The following SYT1 variants were observed in gnomAD, a reference collection of about 807,000 sequenced individuals.
SYT1 encodes the protein synaptotagmin 1.
A neutral mutation model predicts 44.8 loss-of-function variants in SYT1; 8 were observed. That is an observed-to-expected ratio of 0.18 (90% CI 0.10 to 0.32). The LOEUF (loss-of-function observed/expected upper bound fraction) is 0.32, where lower values mean the gene tolerates loss of function less well. Ranked by LOEUF, SYT1 falls within the 10% of genes least tolerant of loss-of-function variation. SYT1 has a pLI of 1.00. For missense variants in SYT1, 286 were observed against 509.3 expected, an observed-to-expected ratio of 0.56 and a Z score of 4.22; for synonymous variants, 154 against 188.8, an observed-to-expected ratio of 0.82 and a Z score of 1.51.
At chr12:79,320,473 A>C (rs1400151573) in intron 8 of SYT1, among the ~76,000 whole-genome samples, 1 of 152,102 alleles carries the variant, frequency 6.6e-6, no homozygotes, top group African/African-American at 2.4e-5. Context: ...CATATAACTT[A>C]GCTAAATTTT....
At chr12:78,905,091 G>A (rs1875890941) in intron 1 of SYT1, among the ~76,000 whole-genome samples, 1 of 152,122 alleles carries the variant, frequency 6.6e-6, no homozygotes, top group African/African-American at 2.4e-5. Flanking sequence ...AGTAGGCACT[G>A]ATTACTTGGT....
intron 3 of SYT1, among the ~76,000 whole-genome samples, chr12:79,118,860 C>G (rs1879437669): frequency 6.6e-6 from 1 of 152,182 alleles, no homozygotes; most frequent in East Asian, 1.9e-4. Context: ...CTTATATACT[C>G]TGATTACTCT....
intron 8 of SYT1, among the ~76,000 whole-genome samples, chr12:79,322,051 G>A (rs1035429155): frequency 6.6e-6 from 1 of 151,998 alleles, no homozygotes; most frequent in African/African-American, 2.4e-5. Flanking sequence ...GTTTCCCACC[G>A]CCCCTCTCAT....
intron 8 of SYT1, among the ~76,000 whole-genome samples, chr12:79,351,747 AG>A (rs749452511): frequency 6.6e-6 from 1 of 152,154 alleles, no homozygotes; most frequent in Non-Finnish European, 1.5e-5. Flanking sequence ...CCTAGGAGTG[AG>A]TAGGCACATC....
At chr12:78,886,720 ATAAAG>A (rs1309797786) in intron 1 of SYT1, among the ~76,000 whole-genome samples, 27 of 152,014 alleles carry the variant, frequency 1.8e-4, no homozygotes, top group South Asian at 1.0e-3. Context: ...CAGGGAGAAT[ATAAAG>A]TAAACAGCCA....
chr12:79,017,556 G>T (rs192660466), intron 2 of SYT1, among the ~76,000 whole-genome samples: 1 of 152,238 alleles, frequency 6.6e-6, no homozygotes, highest in Admixed American at 6.6e-5. Context: ...TGAGCAATGT[G>T]TGTGATACAA....
intron 2 of SYT1, among the ~76,000 whole-genome samples, chr12:78,978,236 A>G (rs1400896115): frequency 6.6e-6 from 1 of 152,134 alleles, no homozygotes; most frequent in African/African-American, 2.4e-5. Flanking sequence ...TCAAATCCAA[A>G]GTTGTCATGG....
At chr12:79,338,910 C>G (rs555321271) in intron 8 of SYT1, among the ~76,000 whole-genome samples, 77 of 151,988 alleles carry the variant, frequency 5.1e-4, no homozygotes, top group African/African-American at 1.8e-3. Flanking sequence ...TGAGTGAGAA[C>G]ATGCAGTGTT....
At chr12:79,279,344 T>C (rs1237404892) in intron 4 of SYT1, among the ~76,000 whole-genome samples, 1 of 152,016 alleles carries the variant, frequency 6.6e-6, no homozygotes, top group South Asian at 2.1e-4. Context: ...GGGATAAATA[T>C]ATGCAAGTCA....
At chr12:79,019,265 T>C (rs1872022357) in intron 2 of SYT1, among the ~76,000 whole-genome samples, 1 of 152,026 alleles carries the variant, frequency 6.6e-6, no homozygotes, top group Non-Finnish European at 1.5e-5. Flanking sequence ...ATTTCATTCA[T>C]GAGTATTCTT....
intron 3 of SYT1, among the ~76,000 whole-genome samples, chr12:79,188,722 C>T (rs1872940970): frequency 6.6e-6 from 1 of 152,060 alleles, no homozygotes; most frequent in South Asian, 2.1e-4. Context: ...TGTAGCATCA[C>T]TCCAAAAAAT....
chr12:79,115,811 C>T (rs1879246080), intron 3 of SYT1, among the ~76,000 whole-genome samples: 1 of 152,112 alleles, frequency 6.6e-6, no homozygotes, highest in Non-Finnish European at 1.5e-5. Context: ...CTCAGCATGC[C>T]ATCCAGGCTC....
At chr12:79,120,954 GATATATATACACACACACATTTGTAT>G (rs1413787437) in intron 3 of SYT1, among the ~76,000 whole-genome samples, 2 of 139,904 alleles carry the variant, frequency 1.4e-5, no homozygotes, top group Non-Finnish European at 3.1e-5. Flanking sequence ...TATATATATA[GATATATATACACACACACATTTGTAT>G]ATATATATAC....
chr12:78,936,547 TAGG>T (rs1482299166), intron 1 of SYT1, among the ~76,000 whole-genome samples: 7 of 152,152 alleles, frequency 4.6e-5, no homozygotes, highest in Admixed American at 1.3e-4. Context: ...TATAGATAAT[TAGG>T]AGGTAAGATT....
intron 8 of SYT1, among the ~76,000 whole-genome samples, chr12:79,345,424 T>C (rs1339427728): frequency 2.6e-5 from 4 of 152,246 alleles, no homozygotes; most frequent in African/African-American, 7.2e-5. Flanking sequence ...TAGGTATCCA[T>C]AGAGCCTAGA....
intron 3 of SYT1, among the ~76,000 whole-genome samples, chr12:79,164,249 G>A (rs924117541): frequency 6.6e-5 from 10 of 152,120 alleles, no homozygotes; most frequent in East Asian, 1.9e-4. Flanking sequence ...ACACTACTGC[G>A]GAGGACCACT....
At chr12:78,920,509 T>A (rs959245704) in intron 1 of SYT1, among the ~76,000 whole-genome samples, 1 of 152,022 alleles carries the variant, frequency 6.6e-6, no homozygotes, top group Non-Finnish European at 1.5e-5. Context: ...AGTTTTTAAT[T>A]CACATGTTTT....
chr12:79,352,186 A>AT (rs1555220372), intron 8 of SYT1, among the ~76,000 whole-genome samples: 1 of 123,692 alleles, frequency 8.1e-6, no homozygotes, highest in African/African-American at 2.9e-5. Context: ...TAATGAATAC[A>AT]CCCCCCCCCC....
chr12:78,938,227 C>A (rs1026270039), intron 1 of SYT1, among the ~76,000 whole-genome samples: 4 of 152,050 alleles, frequency 2.6e-5, no homozygotes, highest in Non-Finnish European at 5.9e-5. Context: ...CACAGCTTTT[C>A]TCCAGGAAAA....
Sources: allele counts gnomAD v4.1 joint callset (sites outside exome capture counted in the v4.1 genomes callset), GRCh38; gene constraint gnomAD v4.1.1; transcripts MANE v1.5; gene names NCBI Gene and HGNC (gene_info 2026-07-23, HGNC 2026-07-21).